Variants in COBLL1 observed in about 807,000 individuals in gnomAD.
COBLL1 encodes cordon-bleu protein-like 1.
Under a neutral mutation model 94.8 loss-of-function variants are expected in COBLL1, and 50 were observed. The ratio of observed to expected loss-of-function variants is 0.53; its 90% confidence interval spans 0.42 to 0.67. The LOEUF (loss-of-function observed/expected upper bound fraction) is 0.67. COBLL1 is among the 30% of genes least tolerant of loss of function. The pLI is 0.00. For missense variants in COBLL1, 1,362 were observed against 1,348.7 expected (o/e 1.01, Z -0.15); for synonymous variants, 448 against 473.8 (o/e 0.95, Z 0.71).
chr2:164,769,974 A>C (rs1688129468), intron 2 of COBLL1, among the ~76,000 whole-genome samples: 1 of 152,198 alleles, frequency 6.6e-6, no homozygotes, highest in African/African-American at 2.4e-5. Context: ...AGAAATGAGC[A>C]CTTTTGAAGC....
At chr2:164,807,397 C>G (rs930016887) in intron 2 of COBLL1, among the ~76,000 whole-genome samples, 1 of 151,620 alleles carries the variant, frequency 6.6e-6, no homozygotes, top group Non-Finnish European at 1.5e-5. Context: ...AAGGTCATGC[C>G]ACTGCACTCC....
chr2:164,741,488 A>T (rs1278792785), intron 3 of COBLL1, among the ~76,000 whole-genome samples: 1 of 152,024 alleles, frequency 6.6e-6, no homozygotes, highest in Non-Finnish European at 1.5e-5. Context: ...GTGCAAGGTA[A>T]ATGAAGAGAG....
chr2:164,768,344 G>A (rs938160722), intron 2 of COBLL1, among the ~76,000 whole-genome samples: 3 of 152,040 alleles, frequency 2.0e-5, no homozygotes, highest in African/African-American at 7.2e-5. Flanking sequence ...TGGCCTGCAG[G>A]CCACATGCAG....
intron 2 of COBLL1, among the ~76,000 whole-genome samples, chr2:164,800,823 T>C (rs1683737033): frequency 6.6e-6 from 1 of 151,670 alleles, no homozygotes; most frequent in African/African-American, 2.4e-5. Context: ...TATGGTTCTA[T>C]TTTTAAGACA....
At chr2:164,734,605 T>C (rs1686200860) in intron 3 of COBLL1, among the ~76,000 whole-genome samples, 1 of 151,974 alleles carries the variant, frequency 6.6e-6, no homozygotes, top group Non-Finnish European at 1.5e-5. Flanking sequence ...AAAATTTAGG[T>C]GGGAGATGGT....
Position 164,729,964 on chromosome 2 carries a change from A to G in COBLL1, c.382T>C (p.Leu128=), listed in dbSNP as rs1217704471. The G allele has an allele frequency of 6.2e-7, 1 of 1,614,016 alleles. No homozygotes were observed. Among genetic ancestry groups the G allele is most frequent in the South Asian group, 1.1e-5 (1 of 91,076 alleles). The change falls in exon 4 of 14, where the codon TTA becomes CTA. Residue 128 remains leucine, a synonymous_variant. Coordinates refer to ENST00000652658, the MANE Select transcript of COBLL1 (RefSeq NM_001365672.2). ...IGMLEVEKVI[L]KPKMLDKKKP... The stretch of plus-strand genomic sequence containing the variant: ...TTCTTATCCAACATTTTTGGCTTTA[A>G]AATTACCTTCTCTACCTCCAACATT...
chr2:164,834,114 A>G (rs753852001), intron 2 of COBLL1, among the ~76,000 whole-genome samples: 11 of 152,212 alleles, frequency 7.2e-5, no homozygotes, highest in Non-Finnish European at 1.2e-4. Flanking sequence ...CATAACAACT[A>G]TCATACTAAT....
chr2:164,694,208 T>A (rs1683771157), intron 12 of COBLL1, 61 bp downstream of exon 12: 6 of 1,468,940 alleles, frequency 4.1e-6, no homozygotes, highest in Non-Finnish European at 5.6e-6. Context: ...ACATGCTTGT[T>A]AACCCCCATT....
intron 2 of COBLL1, among the ~76,000 whole-genome samples, chr2:164,798,583 A>G (rs1683592935): frequency 6.6e-6 from 1 of 152,214 alleles, no homozygotes; most frequent in Non-Finnish European, 1.5e-5. Flanking sequence ...TTTTCTTGAG[A>G]GGGAGTGGAC....
chr2:164,742,832 TATACAC>T (rs552693627), intron 3 of COBLL1, among the ~76,000 whole-genome samples: 67 of 152,044 alleles, frequency 4.4e-4, no homozygotes, highest in Non-Finnish European at 1.0e-4. Context: ...TTCTTTTCCT[TATACAC>T]AACACACACA....
intron 3 of COBLL1, among the ~76,000 whole-genome samples, chr2:164,736,686 T>C (rs562171166): frequency 6.6e-6 from 1 of 152,052 alleles, no homozygotes; most frequent in East Asian, 1.9e-4. Context: ...TACAAATATA[T>C]CTCACTATAA....
chr2:164,727,763 A>G (rs1685786049), intron 5 of COBLL1, among the ~76,000 whole-genome samples: 1 of 151,790 alleles, frequency 6.6e-6, no homozygotes, highest in Non-Finnish European at 1.5e-5. Flanking sequence ...TCCAATTTCA[A>G]TAACTGAAAT....
At position 164,694,915 on chromosome 2, in the gene COBLL1, G is replaced by A. The variant is rs1454116643; in HGVS notation, c.2477C>T (p.Ala826Val). 16 of 1,613,772 alleles carry A rather than the reference G, an allele frequency of 9.9e-6. No homozygotes were observed. Among genetic ancestry groups the A allele is most frequent in the Non-Finnish European group, 1.3e-5 (15 of 1,179,914 alleles). ...GCCAGTGTCTCTTGTCATTTTGGGA[G>A]CAGGTTTCAGAGGACTAACCATGGC... is the stretch of plus-strand genomic sequence containing the variant. Reference protein sequence around the residue: ...DDAMVSPLKPAPKMTRDTGTA... With the variant: ...DDAMVSPLKPVPKMTRDTGTA... Residue 826 changes from alanine to valine, a missense_variant, in exon 12 of 14, where the codon GCT becomes GTT. Ala to Val is a moderately conservative substitution (Grantham distance 64). Coordinates refer to ENST00000652658, the MANE Select transcript of COBLL1 (RefSeq NM_001365672.2).
rs565662298 is a variant in COBLL1, at chr2:164,788,780, A to G, written c.42-44905T>C. On this transcript the variant is annotated intron_variant, in intron 2 of 13. Coordinates refer to ENST00000652658, the MANE Select transcript of COBLL1 (RefSeq NM_001365672.2). ...AAGGCAGGAAGATCACCTAAGGTCA[A>G]GAGTTCAAGACCAAGACCAGCCTGG... 3.9e-5 allele frequency among the ~76,000 whole-genome samples: 6 copies of G among 152,000 alleles called. No homozygotes were observed. In the East Asian group the frequency reaches 9.7e-4, roughly 25 times the overall value.
rs1462851911 is a variant in COBLL1, at chr2:164,841,089, C to G, written c.41+67G>C. On this transcript the variant is annotated intron_variant, in intron 2 of 13. Coordinates refer to ENST00000652658, the MANE Select transcript of COBLL1 (RefSeq NM_001365672.2). The surrounding 1 kb of genome is among the most constrained non-coding windows in gnomAD (Gnocchi z 5.5). ...CGAGTTGCCAGCCAGGTGAAACGGCCGAGGCCTCGCTGTCCTCGCCGGCCT... is the reference window on the plus strand; with the variant it reads ...CGAGTTGCCAGCCAGGTGAAACGGCGGAGGCCTCGCTGTCCTCGCCGGCCT... 8.2e-7 allele frequency: 1 copy of G among 1,224,858 alleles called. No individual in the cohort carries two copies. Among genetic ancestry groups the G allele is most frequent in the Admixed American group, 4.2e-5 (1 of 23,588 alleles). The allele number at this position is 1,224,858 out of a possible 1,614,324, so 75.9% of individuals were successfully genotyped here. A position where few individuals can be genotyped will look rare whatever the true frequency, so the allele number is the denominator to read the frequency against.
intron 3 of COBLL1, among the ~76,000 whole-genome samples, chr2:164,737,590 C>A (rs1686372539): frequency 6.6e-6 from 1 of 150,922 alleles, no homozygotes; most frequent in East Asian, 1.9e-4. Flanking sequence ...AGATTTTTGA[C>A]AGTTAAAAAA....
At chr2:164,817,454 C>A (rs904702535) in intron 2 of COBLL1, among the ~76,000 whole-genome samples, 1 of 151,836 alleles carries the variant, frequency 6.6e-6, no homozygotes, top group African/African-American at 2.4e-5. Flanking sequence ...ACAAAACCCT[C>A]TTTAGTCAAC....
rs1574689291 is a variant in COBLL1, at chr2:164,841,768, T to A, written c.-109A>T. The A allele has an allele frequency of 1.8e-6, 1 of 556,900 alleles. No homozygotes were observed. The highest frequency in any genetic ancestry group is 4.7e-4 in the Middle Eastern group (1 of 2,120). 34.5% of individuals were successfully genotyped at this position (556,900 alleles called of 1,614,324 possible). A position where few individuals can be genotyped will look rare whatever the true frequency, so the allele number is the denominator to read the frequency against. ...TCTCCCTCGCGGCTTCCTCTCCTAC[T>A]CTTCCCTTCCCCGGCCCGCGCTCTT... On this transcript the variant is annotated 5_prime_UTR_variant, in exon 1 of 14. Transcript: ENST00000652658. This position sits in a 1 kb window ranked among gnomAD's most constrained non-coding sequence, Gnocchi z 5.5.
In COBLL1 at chr2:164,695,377, G is replaced by A; in HGVS notation, c.2015C>T (p.Thr672Ile). The change falls in exon 12 of 14, where the codon ACC (threonine) becomes ATC (isoleucine). Residue 672 changes from threonine to isoleucine, a missense_variant. Transcript: ENST00000652658. ...TLIIHSEDPL[T>I]VKDPICAHGN... Reference sequence around the variant, plus strand: ...ATGTGCACAAATTGGATCTTTTACGGTAAGCGGATCTTCTGAATGTATAAT... The same window carrying A: ...ATGTGCACAAATTGGATCTTTTACGATAAGCGGATCTTCTGAATGTATAAT... 1 of 1,613,914 alleles carries A rather than the reference G, an allele frequency of 6.2e-7. No homozygotes were observed. The highest frequency in any genetic ancestry group is 8.5e-7 in the Non-Finnish European group (1 of 1,179,960).
Sources: allele counts gnomAD v4.1 joint callset (sites outside exome capture counted in the v4.1 genomes callset), GRCh38; gene constraint gnomAD v4.1.1; non-coding constraint Gnocchi (gnomAD v3.1); transcripts MANE v1.5; gene names NCBI Gene and HGNC (gene_info 2026-07-23, HGNC 2026-07-21).